ULK4: variants seen among roughly 807,000 people sequenced by gnomAD.
The protein encoded by ULK4 is inactive serine/threonine-protein kinase ULK4.
ULK4 carries 133 observed loss-of-function variants against 160.6 expected under a neutral mutation model. The observed-to-expected ratio is 0.83, with a 90% CI of 0.72 to 0.96. ULK4 has a LOEUF of 0.96. ULK4 is among the 40% of genes least tolerant of loss of function. ULK4 has a pLI of 0.00. For synonymous variants in ULK4, 534 were observed against 539.8 expected, an observed-to-expected ratio of 0.99 and a Z score of 0.15; for missense variants, 1,580 against 1,499.5, an observed-to-expected ratio of 1.05 and a Z score of -0.89.
chr3:41,469,625 A>AAAAAAAAAAAAAAAAAAAAAAAAC (rs1559625851), intron 32 of ULK4, among the ~76,000 whole-genome samples: 1 of 148,530 alleles, frequency 6.7e-6, no homozygotes, highest in Admixed American at 6.7e-5. Context: ...AAAAAAAAAA[A>AAAAAAAAAAAAAAAAAAAAAAAAC]AACACCTTAA....
intron 35 of ULK4, among the ~76,000 whole-genome samples, chr3:41,388,326 C>T (rs1241963480): frequency 6.6e-6 from 1 of 151,842 alleles, no homozygotes; most frequent in Non-Finnish European, 1.5e-5. Context: ...TTGTAGGTTG[C>T]CTGTTCACTC....
chr3:41,279,232 G>GT (rs2079294422), intron 35 of ULK4, among the ~76,000 whole-genome samples: 1 of 47,122 alleles, frequency 2.1e-5, no homozygotes, highest in Non-Finnish European at 4.0e-5. Context: ...AAAGTATAAA[G>GT]AAAAGATTAG....
rs1011033885 is a variant in ULK4 at position 41,532,511 on chromosome 3, T to G, written c.3226+33514A>C. On this transcript the variant is annotated intron_variant, in intron 32 of 36. Coordinates refer to ENST00000301831, the MANE Select transcript of ULK4 (RefSeq NM_017886.4). ...TTTTTCCACAAAAATGTAAGCTCCA[T>G]GAAGGCAGGGATTTTGGTCAGTTTT... 2.6e-5 allele frequency among the ~76,000 whole-genome samples: 4 copies of G among 152,346 alleles called. 1 individual carries two copies. The South Asian group carries it at 8.3e-4, about 32-fold the overall frequency.
chr3:41,662,814 T>C (rs1414981738), intron 30 of ULK4, among the ~76,000 whole-genome samples: 5 of 152,056 alleles, frequency 3.3e-5, no homozygotes, highest in East Asian at 1.9e-4. Flanking sequence ...AACTAATCTT[T>C]ACAAAACTAA....
chr3:41,524,503 AATC>A (rs1330446945), intron 32 of ULK4, among the ~76,000 whole-genome samples: 1 of 152,204 alleles, frequency 6.6e-6, no homozygotes, highest in Admixed American at 6.5e-5. Flanking sequence ...TCAGCACCAC[AATC>A]CCTAAAACTG....
chr3:41,706,874 T>TGTGA (rs1344233943), intron 25 of ULK4, among the ~76,000 whole-genome samples: 1 of 130,054 alleles, frequency 7.7e-6, no homozygotes, highest in Non-Finnish European at 1.5e-5. Flanking sequence ...TGTGTGTGTG[T>TGTGA]GTGTGTGTGT....
At chr3:41,868,296 T>C (rs1696969403) in intron 17 of ULK4, among the ~76,000 whole-genome samples, 1 of 152,194 alleles carries the variant, frequency 6.6e-6, no homozygotes. Context: ...TTAAGGATTG[T>C]TAATGCTTCC....
chr3:41,599,404 A>G (rs1395313204), intron 31 of ULK4, among the ~76,000 whole-genome samples: 1 of 152,134 alleles, frequency 6.6e-6, no homozygotes, highest in Non-Finnish European at 1.5e-5. Context: ...CCCCCTTGCC[A>G]TGTAACCTAA....
chr3:41,592,001 G>A (rs1416515652), intron 31 of ULK4, among the ~76,000 whole-genome samples: 2 of 152,212 alleles, frequency 1.3e-5, no homozygotes, highest in African/African-American at 2.4e-5. Context: ...AGCATGTGGA[G>A]TCTTGCATCC....
At chr3:41,390,534 T>G (rs1342482711) in intron 35 of ULK4, among the ~76,000 whole-genome samples, 2 of 152,152 alleles carry the variant, frequency 1.3e-5, no homozygotes, top group Admixed American at 1.3e-4. Context: ...ACACACTGCT[T>G]TGAATGTGTC....
At chr3:41,325,509 T>G (rs1160472795) in intron 35 of ULK4, among the ~76,000 whole-genome samples, 1 of 152,210 alleles carries the variant, frequency 6.6e-6, no homozygotes, top group East Asian at 1.9e-4. Context: ...AGAATATACG[T>G]TATTGTTTTG....
chr3:41,780,339 G>T (rs2125581999), intron 21 of ULK4, among the ~76,000 whole-genome samples: 1 of 151,766 alleles, frequency 6.6e-6, no homozygotes, highest in Non-Finnish European at 1.5e-5. Context: ...GATGGTGTAT[G>T]CTATCTTTTA....
At chr3:41,837,684 C>T (rs1266333609) in intron 17 of ULK4, among the ~76,000 whole-genome samples, 2 of 152,016 alleles carry the variant, frequency 1.3e-5, no homozygotes, top group African/African-American at 2.4e-5. Flanking sequence ...CTGCCTCAGC[C>T]TGAGTAGTTG....
chr3:41,777,023 T>C (rs2039653404), intron 21 of ULK4, among the ~76,000 whole-genome samples: 1 of 7,846 alleles, frequency 1.3e-4, no homozygotes, highest in Admixed American at 1.3e-3. Context: ...GTACCTCTGG[T>C]AGAATTCGGC....
At position 41,813,027 on chromosome 3, in the gene ULK4, C is replaced by T. The variant is rs560125981; in HGVS notation, c.1848+6396G>A. Among the ~76,000 whole-genome samples, 3 of 152,222 alleles carry T rather than the reference C, an allele frequency of 2.0e-5. No individual in the cohort carries two copies. In the East Asian group the frequency reaches 5.8e-4, roughly 29 times the overall value. Reference sequence around the variant, plus strand: ...TTTGTATCTAATCAACATTTTTTAGCTTACATAATAGTCTATATAATTATG... The same window carrying T: ...TTTGTATCTAATCAACATTTTTTAGTTTACATAATAGTCTATATAATTATG... On this transcript the variant is annotated intron_variant, in intron 19 of 36. Transcript: ENST00000301831.
At chr3:41,377,318 G>A (rs892651382) in intron 35 of ULK4, among the ~76,000 whole-genome samples, 32 of 152,008 alleles carry the variant, frequency 2.1e-4, no homozygotes, top group African/African-American at 7.5e-4. Flanking sequence ...CATGGGCAAG[G>A]ACTTCATGTC....
intron 34 of ULK4, among the ~76,000 whole-genome samples, chr3:41,413,970 C>G (rs939863243): frequency 2.0e-5 from 3 of 152,134 alleles, no homozygotes; most frequent in Non-Finnish European, 4.4e-5. Flanking sequence ...TTTGGGAGGC[C>G]GAGGCAGGCG....
chr3:41,784,502 A>G (rs1341175677), intron 21 of ULK4, among the ~76,000 whole-genome samples: 1 of 152,184 alleles, frequency 6.6e-6, no homozygotes, highest in Non-Finnish European at 1.5e-5. Context: ...TTTGATTTTT[A>G]ATCAAAAGTC....
intron 31 of ULK4, among the ~76,000 whole-genome samples, chr3:41,614,342 T>C (rs2032851913): frequency 1.3e-5 from 2 of 152,230 alleles, no homozygotes; most frequent in East Asian, 3.8e-4. Context: ...TCTTGCCCCA[T>C]ACCCAACCAT....
Sources: gnomAD v4.1 joint callset for allele counts (sites outside exome capture counted in the v4.1 genomes callset) on GRCh38, gnomAD v4.1.1 for gene constraint, MANE v1.5 for transcripts, NCBI Gene and HGNC (gene_info 2026-07-23, HGNC 2026-07-21) for gene names.